Variants in CNTN5 observed in about 807,000 individuals in gnomAD.
CNTN5 encodes the protein contactin-5.
CNTN5 carries 77 observed loss-of-function variants against 129.1 expected under a neutral mutation model. The ratio of observed to expected loss-of-function variants is 0.60; its 90% CI spans 0.50 to 0.72. The LOEUF is 0.72. Ranked by LOEUF, CNTN5 falls within the 30% of genes least tolerant of loss-of-function variation. The pLI, the probability that CNTN5 is intolerant of heterozygous loss-of-function variation, is 0.00. For synonymous variants in CNTN5, 509 were observed against 465.6 expected (o/e 1.09, Z -1.20); for missense variants, 1,478 against 1,328.8 (o/e 1.11, Z -1.75).
intron 8 of CNTN5, among the ~76,000 whole-genome samples, chr11:99,960,841 G>A (rs1181669989): frequency 1.3e-5 from 2 of 151,968 alleles, no homozygotes; most frequent in Non-Finnish European, 2.9e-5. Flanking sequence ...TACATTAGGA[G>A]GGTAAATAAT....
chr11:99,563,535 A>C (rs1029426447), intron 3 of CNTN5, among the ~76,000 whole-genome samples: 4 of 152,210 alleles, frequency 2.6e-5, no homozygotes, highest in Non-Finnish European at 5.9e-5. Context: ...CAGCATAACA[A>C]ATCAGCCCAC....
In CNTN5 at chr11:99,648,697, T is replaced by C. The variant is rs1308308992; in HGVS notation, c.55+92428T>C. 2.0e-5 allele frequency among the ~76,000 whole-genome samples: 3 copies of C among 151,992 alleles called. No individual in the cohort carries two copies. In the East Asian group the frequency reaches 5.8e-4, roughly 29 times the overall value. Reference sequence around the variant, plus strand: ...GAGGAAACGAATAAAGAGAATGTGGTATATATTTACAATGGAATACTATGT... The same window carrying C: ...GAGGAAACGAATAAAGAGAATGTGGCATATATTTACAATGGAATACTATGT... On this transcript the variant is annotated intron_variant, in intron 3 of 24. Coordinates refer to ENST00000524871, the MANE Select transcript of CNTN5 (RefSeq NM_014361.4).
chr11:99,030,662 A>G (rs1863326639), intron 1 of CNTN5, among the ~76,000 whole-genome samples: 1 of 152,162 alleles, frequency 6.6e-6, no homozygotes, highest in Non-Finnish European at 1.5e-5. Context: ...TTCATTTGAA[A>G]TTAATAATGT....
intron 1 of CNTN5, among the ~76,000 whole-genome samples, chr11:99,291,481 G>A (rs949524815): frequency 4.6e-5 from 7 of 151,716 alleles, no homozygotes; most frequent in East Asian, 3.9e-4. Flanking sequence ...GTTATTTTAC[G>A]TTTTAGTTAG....
At chr11:99,771,302 C>T (rs11221309) in intron 3 of CNTN5, among the ~76,000 whole-genome samples, 7,879 of 151,926 alleles carry the variant, frequency 0.052, 262 homozygotes, top group Non-Finnish European at 0.075. Context: ...TTCACCATAG[C>T]AAAGACACCG....
In CNTN5 at chr11:100,048,406, A is replaced by G. The variant is rs1220009967; in HGVS notation, c.981-12806A>G. ...GTTGTGGGACTTCTCAACCTCTATA[A>G]TTGTGTGAGCCAATTCCCATAATAA... is the stretch of plus-strand genomic sequence containing the variant. On this transcript the variant is annotated intron_variant, in intron 9 of 24. Coordinates refer to ENST00000524871, the MANE Select transcript of CNTN5 (RefSeq NM_014361.4). Among the ~76,000 whole-genome samples, 9 of 152,196 alleles carry G rather than the reference A, an allele frequency of 5.9e-5. 1 individual carries two copies. The East Asian group carries it at 1.7e-3, about 29-fold the overall frequency.
intron 3 of CNTN5, among the ~76,000 whole-genome samples, chr11:99,804,113 CA>C (rs1228630613): frequency 1.3e-5 from 2 of 151,812 alleles, no homozygotes; most frequent in Non-Finnish European, 2.9e-5. Context: ...CTTTTTATAC[CA>C]AAAGGCTGGT....
intron 13 of CNTN5, among the ~76,000 whole-genome samples, chr11:100,153,440 T>TA (rs993505650): frequency 8.5e-5 from 13 of 152,136 alleles, no homozygotes; most frequent in South Asian, 6.2e-4. Context: ...TCATCAAATA[T>TA]AAAAAAACGC....
intron 3 of CNTN5, among the ~76,000 whole-genome samples, chr11:99,586,129 T>C (rs550693389): frequency 6.6e-6 from 1 of 152,310 alleles, no homozygotes; most frequent in East Asian, 1.9e-4. Flanking sequence ...CTAATTTCTT[T>C]CTGGTTTCTG....
At chr11:100,051,783 A>T (rs1942966142) in intron 9 of CNTN5, among the ~76,000 whole-genome samples, 1 of 151,940 alleles carries the variant, frequency 6.6e-6, no homozygotes, top group Admixed American at 6.6e-5. Flanking sequence ...CTCTATCCTA[A>T]AACATTTAAA....
At chr11:99,218,689 C>T (rs2135695755) in intron 1 of CNTN5, among the ~76,000 whole-genome samples, 1 of 152,236 alleles carries the variant, frequency 6.6e-6, no homozygotes, top group South Asian at 2.1e-4. Context: ...TTTTACTCTT[C>T]TGTAGTACTA....
chr11:99,234,129 T>C (rs1388384102), intron 1 of CNTN5, among the ~76,000 whole-genome samples: 1 of 152,164 alleles, frequency 6.6e-6, no homozygotes, highest in Non-Finnish European at 1.5e-5. Flanking sequence ...TTGCAAGAAA[T>C]GGATTAACCT....
chr11:99,165,751 A>G (rs1003527088), intron 1 of CNTN5, among the ~76,000 whole-genome samples: 1 of 152,156 alleles, frequency 6.6e-6, no homozygotes, highest in Non-Finnish European at 1.5e-5. Flanking sequence ...TTCTCAGGTC[A>G]AAATAAGAGA....
intron 15 of CNTN5, among the ~76,000 whole-genome samples, chr11:100,217,951 G>T (rs1204187232): frequency 1.3e-5 from 2 of 152,168 alleles, no homozygotes; most frequent in South Asian, 2.1e-4. Context: ...TAAAAGTGAG[G>T]TTGAGAGTCC....
intron 2 of CNTN5, among the ~76,000 whole-genome samples, chr11:99,431,100 G>A (rs1411427598): frequency 6.7e-6 from 1 of 150,114 alleles, no homozygotes; most frequent in Non-Finnish European, 1.5e-5. Flanking sequence ...ATTCGGATTT[G>A]ACCAAGTCAG....
In CNTN5 at chr11:99,819,677, T is replaced by A; in HGVS notation, c.189T>A (p.Ser63Arg). ...RYSSPSLGTLSASSPSWLGAA... is the reference protein window; with the variant it reads ...RYSSPSLGTLRASSPSWLGAA... Reference sequence around the variant, plus strand: ...GCAGCCCTTCATTAGGAACACTGAGTGCTTCTTCACCCAGCTGGCTAGGGG... The same window carrying A: ...GCAGCCCTTCATTAGGAACACTGAGAGCTTCTTCACCCAGCTGGCTAGGGG... Residue 63 changes from serine to arginine, a missense_variant, in exon 4 of 25, where the codon AGT (serine) becomes AGA (arginine). Coordinates refer to ENST00000524871, the MANE Select transcript of CNTN5 (RefSeq NM_014361.4). The A allele has an allele frequency of 3.1e-6, 5 of 1,612,984 alleles. No individual in the cohort carries two copies. Among genetic ancestry groups the A allele is most frequent in the Non-Finnish European group, 4.2e-6 (5 of 1,179,840 alleles).
intron 13 of CNTN5, among the ~76,000 whole-genome samples, chr11:100,108,263 A>G (rs1317046830): frequency 6.6e-6 from 1 of 152,146 alleles, no homozygotes; most frequent in Non-Finnish European, 1.5e-5. Context: ...AGTGCTATAT[A>G]GCAAAAGAAT....
At chr11:99,802,534 A>G (rs1259936978) in intron 3 of CNTN5, among the ~76,000 whole-genome samples, 1 of 152,162 alleles carries the variant, frequency 6.6e-6, no homozygotes, top group East Asian at 1.9e-4. Context: ...TCTCAGTTCC[A>G]TGTTCTATGT....
intron 6 of CNTN5, among the ~76,000 whole-genome samples, chr11:99,847,542 T>C (rs1947739228): frequency 6.6e-6 from 1 of 152,266 alleles, no homozygotes; most frequent in African/African-American, 2.4e-5. Context: ...TACATACGCA[T>C]AAAAACCCAC....
Sources: gnomAD v4.1 joint callset for allele counts (sites outside exome capture counted in the v4.1 genomes callset) on GRCh38, gnomAD v4.1.1 for gene constraint, MANE v1.5 for transcripts, NCBI Gene and HGNC (gene_info 2026-07-23, HGNC 2026-07-21) for gene names.